Variants in CNTN4 observed in about 807,000 individuals in gnomAD.
CNTN4 encodes contactin-4.
CNTN4 carries 77 observed loss-of-function variants against 122.5 expected under a neutral mutation model. That is an observed-to-expected ratio of 0.63 (90% CI 0.52 to 0.76). The LOEUF (loss-of-function observed/expected upper bound fraction) is 0.76. Ranked by LOEUF, CNTN4 falls within the 30% of genes least tolerant of loss-of-function variation. The pLI is 0.00. For synonymous variants in CNTN4, 512 were observed against 447.0 expected (o/e 1.15, Z -1.83); for missense variants, 1,256 against 1,259.1 (o/e 1.00, Z 0.04).
chr3:2,818,306 G>A (rs1192420221), intron 6 of CNTN4, among the ~76,000 whole-genome samples: 1 of 152,184 alleles, frequency 6.6e-6, no homozygotes, highest in Admixed American at 6.5e-5. Context: ...AATATCCTTA[G>A]CACTCCTTGA....
At chr3:2,902,751 G>A (rs1347671185) in intron 11 of CNTN4, 125 bp from the exon 12 acceptor site, 5 of 961,644 alleles carry the variant, frequency 5.2e-6, no homozygotes, top group African/African-American at 1.6e-5. Context: ...ATCATGTTAT[G>A]TAAATTGCTT....
intron 3 of CNTN4, among the ~76,000 whole-genome samples, chr3:2,466,685 C>CT (rs1470488229): frequency 6.6e-6 from 1 of 152,058 alleles, no homozygotes; most frequent in Non-Finnish European, 1.5e-5. Flanking sequence ...TGCATTTTGA[C>CT]TATTGTTTTC....
At chr3:2,113,456 C>A (rs974072023) in intron 2 of CNTN4, among the ~76,000 whole-genome samples, 5 of 152,274 alleles carry the variant, frequency 3.3e-5, no homozygotes, top group Admixed American at 2.0e-4. Flanking sequence ...TTTTTCCTCA[C>A]GCAGATGCAC....
intron 4 of CNTN4, among the ~76,000 whole-genome samples, chr3:2,584,863 T>C (rs956569005): frequency 6.6e-6 from 1 of 152,026 alleles, no homozygotes; most frequent in African/African-American, 2.4e-5. Context: ...TCTTGTTCTC[T>C]ACAGTGGTAG....
intron 3 of CNTN4, among the ~76,000 whole-genome samples, chr3:2,433,946 T>C (rs959504980): frequency 6.6e-6 from 1 of 152,120 alleles, no homozygotes; most frequent in Non-Finnish European, 1.5e-5. Flanking sequence ...GCATGTGGAA[T>C]TTTACAAAGT....
intron 3 of CNTN4, among the ~76,000 whole-genome samples, chr3:2,539,839 T>C (rs2077961013): frequency 6.6e-6 from 1 of 152,054 alleles, no homozygotes; most frequent in African/African-American, 2.4e-5. Flanking sequence ...ATATTCAGGA[T>C]TGGAAACAGT....
intron 2 of CNTN4, among the ~76,000 whole-genome samples, chr3:2,270,456 GTA>G (rs60414752): frequency 0.27 from 41,301 of 150,764 alleles, 5,870 homozygotes; most frequent in East Asian, 0.44. Flanking sequence ...GGCACAGAGG[GTA>G]TATATATATA....
At chr3:2,380,701 CT>C (rs77365212) in intron 3 of CNTN4, among the ~76,000 whole-genome samples, 266 of 143,580 alleles carry the variant, frequency 1.9e-3, no homozygotes, top group Middle Eastern at 0.011. Context: ...TAGTGGGTTT[CT>C]TTTTTTTTTT....
intron 3 of CNTN4, among the ~76,000 whole-genome samples, chr3:2,489,345 C>CT (rs952035138): frequency 6.6e-6 from 1 of 152,178 alleles, no homozygotes; most frequent in African/African-American, 2.4e-5. Flanking sequence ...AATGTAGTAG[C>CT]TTCGTTCACC....
intron 14 of CNTN4, among the ~76,000 whole-genome samples, chr3:3,012,452 TTTTG>T (rs1295783893): frequency 1.3e-5 from 2 of 151,860 alleles, no homozygotes; most frequent in Non-Finnish European, 2.9e-5. Flanking sequence ...GGTTTTTTGT[TTTTG>T]TTTTTGTTTT....
In CNTN4 at chr3:2,349,081, A is replaced by G. The variant is rs552916328; in HGVS notation, c.-89+9848A>G. Among the ~76,000 whole-genome samples the G allele has an allele frequency of 4.6e-5, 7 of 152,286 alleles. 1 individual carries two copies. The East Asian group carries it at 9.6e-4, about 21-fold the overall frequency. ...CCAGCTGAAGTCTTTTAAAATTTACATTATTGCAATAAATGTTTTACCCGA... is the reference window on the plus strand; with the variant it reads ...CCAGCTGAAGTCTTTTAAAATTTACGTTATTGCAATAAATGTTTTACCCGA... On this transcript the variant is annotated intron_variant, in intron 3 of 24. Transcript: ENST00000418658.
intron 2 of CNTN4, among the ~76,000 whole-genome samples, chr3:2,328,723 A>G (rs1397448929): frequency 2.0e-5 from 3 of 152,222 alleles, no homozygotes; most frequent in African/African-American, 4.8e-5. Flanking sequence ...ATCTATTTAC[A>G]TAGCATTTTC....
At chr3:2,178,162 C>A (rs146597665) in intron 2 of CNTN4, among the ~76,000 whole-genome samples, 1 of 152,040 alleles carries the variant, frequency 6.6e-6, no homozygotes, top group Non-Finnish European at 1.5e-5. Context: ...TTGTGTAAGG[C>A]TTTTATACTC....
chr3:2,540,069 T>TTGTGTGTGTG (rs35310430), intron 3 of CNTN4, among the ~76,000 whole-genome samples: 15 of 148,960 alleles, frequency 1.0e-4, no homozygotes, highest in African/African-American at 3.7e-4. Context: ...TTCATCAGTG[T>TTGTGTGTGTG]TGTGTGTGTG....
At chr3:2,498,880 C>G (rs1468870736) in intron 3 of CNTN4, among the ~76,000 whole-genome samples, 3 of 150,876 alleles carry the variant, frequency 2.0e-5, no homozygotes, top group African/African-American at 7.3e-5. Context: ...ACCTCCACCT[C>G]CCAGGTTCAA....
chr3:2,823,789 G>A (rs928814959), intron 7 of CNTN4, among the ~76,000 whole-genome samples: 5 of 152,080 alleles, frequency 3.3e-5, no homozygotes, highest in African/African-American at 1.2e-4. Context: ...CTCACAAACT[G>A]TTCATCAAGA....
chr3:2,931,237 C>A (rs1032667186), intron 13 of CNTN4, among the ~76,000 whole-genome samples: 5 of 151,960 alleles, frequency 3.3e-5, no homozygotes, highest in Non-Finnish European at 7.4e-5. Flanking sequence ...GATATACGGA[C>A]TATTAAAGGG....
chr3:2,904,512 C>A (rs149180917), intron 12 of CNTN4, among the ~76,000 whole-genome samples: 531 of 152,268 alleles, frequency 3.5e-3, no homozygotes, highest in Non-Finnish European at 6.1e-3. Context: ...TTCAAAGAGG[C>A]CTAGTAATGG....
At chr3:2,958,520 T>G (rs1158957460) in intron 13 of CNTN4, among the ~76,000 whole-genome samples, 1 of 152,204 alleles carries the variant, frequency 6.6e-6, no homozygotes, top group Admixed American at 6.5e-5. Flanking sequence ...TCTGCATTTT[T>G]TTGAATTATC....
Sources: allele counts gnomAD v4.1 joint callset (sites outside exome capture counted in the v4.1 genomes callset), GRCh38; gene constraint gnomAD v4.1.1; transcripts MANE v1.5; gene names NCBI Gene and HGNC (gene_info 2026-07-23, HGNC 2026-07-21).